Variants in DACH2 observed in about 807,000 individuals in gnomAD.
DACH2 encodes the protein dachshund homolog 2.
In DACH2, 17 loss-of-function variants were observed where a neutral mutation model predicts 35.8. That is an observed-to-expected ratio of 0.48 (90% CI 0.33 to 0.71). DACH2 has a LOEUF of 0.71. DACH2 is among the 30% of genes least tolerant of loss of function. The pLI is 0.02. For synonymous variants in DACH2, 195 were observed against 177.3 expected (o/e 1.10, Z -0.79); for missense variants, 469 against 472.7 (o/e 0.99, Z 0.07).
chrX:86,371,710 T>C (rs1369533550), intron 1 of DACH2, among the ~76,000 whole-genome samples: 2 of 110,997 alleles, frequency 1.8e-5, no homozygotes, highest in Non-Finnish European at 3.8e-5. Flanking sequence ...ATAAGATGCA[T>C]AAAGTTATCA....
At chrX:86,450,277 T>C (rs1199205227) in intron 2 of DACH2, among the ~76,000 whole-genome samples, 1 of 111,160 alleles carries the variant, frequency 9.0e-6, no homozygotes, top group Non-Finnish European at 1.9e-5. Flanking sequence ...CATATGTCCA[T>C]GTGTTCTTAT....
At chrX:86,182,850 T>C (rs1273617173) in intron 1 of DACH2, among the ~76,000 whole-genome samples, 3 of 111,713 alleles carry the variant, frequency 2.7e-5, no homozygotes, top group African/African-American at 9.8e-5. Context: ...TTTTATTTCA[T>C]TGAGCAGTGG....
chrX:86,541,326 T>G (rs2038877874), intron 3 of DACH2, among the ~76,000 whole-genome samples: 1 of 111,557 alleles, frequency 9.0e-6, no homozygotes, highest in Non-Finnish European at 1.9e-5. Context: ...TAATTCCAAT[T>G]TATAGGCTCA....
chrX:86,347,973 C>G (rs1430937261), intron 1 of DACH2, among the ~76,000 whole-genome samples: 1 of 111,781 alleles, frequency 8.9e-6, no homozygotes, highest in East Asian at 2.8e-4. Context: ...GATACTTAAG[C>G]CTGTTGATAC....
chrX:86,358,070 T>C (rs1242378258), intron 1 of DACH2, among the ~76,000 whole-genome samples: 1 of 111,502 alleles, frequency 9.0e-6, no homozygotes, highest in Non-Finnish European at 1.9e-5. Context: ...TCTTTCTTCA[T>C]CCTCCCTGTC....
At chrX:86,729,665 G>A (rs772233136) in intron 6 of DACH2, among the ~76,000 whole-genome samples, 221 of 111,922 alleles carry the variant, frequency 2.0e-3, no homozygotes, top group African/African-American at 7.0e-3. Context: ...TTTGGATTAT[G>A]GGGGCAAATC....
chrX:86,521,556 G>C (rs1048964147), intron 3 of DACH2, among the ~76,000 whole-genome samples: 1 of 111,801 alleles, frequency 8.9e-6, no homozygotes, highest in African/African-American at 3.2e-5. Context: ...CTGCCACTTG[G>C]CTTTACCATC....
intron 1 of DACH2, among the ~76,000 whole-genome samples, chrX:86,153,388 A>G (rs1003313495): frequency 1.1e-4 from 12 of 111,523 alleles, no homozygotes; most frequent in Admixed American, 1.9e-4. Flanking sequence ...ATTTTCAAAT[A>G]CTAGAAATAT....
Position 86,742,031 on chromosome X carries a change from T to G in DACH2, c.1240+2149T>G, listed in dbSNP as rs190112220. ...GATATATCATAAAAGAATGGACAAC[T>G]TACACTTAGAAGTAAAATCAAATAT... On this transcript the variant is annotated intron_variant, in intron 7 of 11. Transcript: ENST00000373125. Among the ~76,000 whole-genome samples the G allele has an allele frequency of 4.7e-3, 521 of 110,747 alleles. 3 individuals are homozygous for G. The highest frequency in any genetic ancestry group is 0.016 in the African/African-American group (494 of 30,656).
intron 1 of DACH2, among the ~76,000 whole-genome samples, chrX:86,224,459 G>A (rs866723846): frequency 1.2e-4 from 13 of 111,161 alleles, no homozygotes; most frequent in East Asian, 2.8e-4. Flanking sequence ...ACACTGAATC[G>A]TAACAATAAC....
intron 3 of DACH2, among the ~76,000 whole-genome samples, chrX:86,548,453 A>C (rs1373587032): frequency 8.9e-6 from 1 of 112,360 alleles, no homozygotes; most frequent in African/African-American, 3.2e-5. Flanking sequence ...CAGATTCTTA[A>C]GTGAGAAATA....
chrX:86,569,220 C>A (rs1027082174), intron 3 of DACH2, among the ~76,000 whole-genome samples: 1 of 110,791 alleles, frequency 9.0e-6, no homozygotes, highest in Non-Finnish European at 1.9e-5. Context: ...GTGATAATAA[C>A]GTGTTAAGTC....
intron 1 of DACH2, among the ~76,000 whole-genome samples, chrX:86,285,738 A>T (rs965087160): frequency 8.9e-6 from 1 of 111,887 alleles, no homozygotes; most frequent in Admixed American, 9.5e-5. Flanking sequence ...TCTGTCTGAA[A>T]GATCTGTCCA....
chrX:86,226,762 A>G (rs1245320498), intron 1 of DACH2, among the ~76,000 whole-genome samples: 2 of 111,583 alleles, frequency 1.8e-5, no homozygotes, highest in Non-Finnish European at 1.9e-5. Context: ...GTATATATGG[A>G]TACCTTGTGC....
At chrX:86,758,334 C>A (rs1269064782) in intron 7 of DACH2, among the ~76,000 whole-genome samples, 2 of 111,514 alleles carry the variant, frequency 1.8e-5, no homozygotes, top group Non-Finnish European at 3.8e-5. Context: ...TATTTGAAAT[C>A]TTTCTGCTTT....
chrX:86,395,048 A>T (rs1033744635), intron 2 of DACH2, among the ~76,000 whole-genome samples: 2 of 111,453 alleles, frequency 1.8e-5, no homozygotes, highest in Admixed American at 1.9e-4. Context: ...AACAACTGAG[A>T]CTCTAAGTGC....
chrX:86,784,712 G>C (rs920975132), intron 7 of DACH2, among the ~76,000 whole-genome samples: 7 of 111,800 alleles, frequency 6.3e-5, no homozygotes, highest in African/African-American at 2.3e-4. Flanking sequence ...CAATAGCAAA[G>C]ACATGGAATC....
intron 3 of DACH2, among the ~76,000 whole-genome samples, chrX:86,574,925 A>T (rs1306138333): frequency 1.8e-5 from 2 of 111,739 alleles, no homozygotes; most frequent in Non-Finnish European, 3.8e-5. Context: ...CATATATGAA[A>T]TCTCAAGTTA....
At chrX:86,547,369 A>G (rs1442219357) in intron 3 of DACH2, among the ~76,000 whole-genome samples, 22 of 111,960 alleles carry the variant, frequency 2.0e-4, no homozygotes, top group Admixed American at 1.6e-3. Context: ...AATTTTGCAA[A>G]GATCACTTTT....
Sources: allele counts gnomAD v4.1 joint callset (sites outside exome capture counted in the v4.1 genomes callset), GRCh38; gene constraint gnomAD v4.1.1; transcripts MANE v1.5; gene names NCBI Gene and HGNC (gene_info 2026-07-23, HGNC 2026-07-21).